MANEA: variants seen among roughly 807,000 people sequenced by gnomAD.
The protein encoded by MANEA is glycoprotein endo-alpha-1,2-mannosidase.
A neutral mutation model predicts 36.8 loss-of-function variants in MANEA; 25 were observed. The observed-to-expected ratio is 0.68, with a 90% CI of 0.50 to 0.95. The LOEUF (loss-of-function observed/expected upper bound fraction) is 0.95. MANEA is among the 40% of genes least tolerant of loss of function. The probability of loss-of-function intolerance (pLI) is 0.00; values close to 1 mark genes in which losing one functional copy is unlikely to be tolerated. For synonymous variants in MANEA, 198 were observed against 188.5 expected (o/e 1.05, Z -0.41); for missense variants, 565 against 558.8 (o/e 1.01, Z -0.11).
intron 2 of MANEA, among the ~76,000 whole-genome samples, chr6:95,594,149 A>G (rs998046951): frequency 1.3e-5 from 2 of 152,046 alleles, no homozygotes; most frequent in African/African-American, 4.8e-5. Context: ...GAAAAATGTG[A>G]GGGAAAAAAC....
intron 2 of MANEA, among the ~76,000 whole-genome samples, chr6:95,595,192 G>A (rs924664529): frequency 7.9e-5 from 12 of 151,612 alleles, no homozygotes; most frequent in Admixed American, 3.3e-4. Context: ...TAATTTTTTC[G>A]TAGGTCCCAT....
chr6:95,581,247 GA>G (rs1432743445), intron 1 of MANEA, among the ~76,000 whole-genome samples: 2 of 152,152 alleles, frequency 1.3e-5, no homozygotes, highest in East Asian at 3.9e-4. Context: ...TTGAGACATG[GA>G]GGTTGAGCCA....
chr6:95,591,177 C>G (rs1366717875), intron 2 of MANEA, among the ~76,000 whole-genome samples: 1 of 152,118 alleles, frequency 6.6e-6, no homozygotes, highest in Non-Finnish European at 1.5e-5. Flanking sequence ...TACTGTTCCC[C>G]ATCCATATTT....
At chr6:95,579,452 A>G (rs920893874) in intron 1 of MANEA, among the ~76,000 whole-genome samples, 15 of 152,302 alleles carry the variant, frequency 9.8e-5, no homozygotes, top group African/African-American at 2.9e-4. Context: ...AGTGTTTACA[A>G]TAAAACTGAC....
intron 3 of MANEA, among the ~76,000 whole-genome samples, chr6:95,600,316 G>A (rs1000318228): frequency 2.0e-5 from 3 of 152,186 alleles, no homozygotes; most frequent in Non-Finnish European, 4.4e-5. Flanking sequence ...GAGGAACTAT[G>A]TATAGACAAA....
chr6:95,578,157 G>A (rs976076853), intron 1 of MANEA, among the ~76,000 whole-genome samples: 11 of 152,202 alleles, frequency 7.2e-5, no homozygotes, highest in Admixed American at 2.0e-4. Context: ...ACCGCCCGAT[G>A]GCGAGGCCGC....
chr6:95,604,584 C>A (rs1343145822), intron 3 of MANEA, among the ~76,000 whole-genome samples: 1 of 151,886 alleles, frequency 6.6e-6, no homozygotes, highest in Non-Finnish European at 1.5e-5. Flanking sequence ...GATTACCTCA[C>A]TAAGAAAACA....
chr6:95,602,499 AATTT>A (rs1011734971), intron 3 of MANEA, among the ~76,000 whole-genome samples: 7 of 152,162 alleles, frequency 4.6e-5, no homozygotes, highest in African/African-American at 1.7e-4. Flanking sequence ...ATTTTATTAA[AATTT>A]ATTTATTAAA....
intron 4 of MANEA, among the ~76,000 whole-genome samples, chr6:95,605,508 A>G (rs1448065777): frequency 6.6e-6 from 1 of 152,160 alleles, no homozygotes; most frequent in Non-Finnish European, 1.5e-5. Flanking sequence ...ATTAGTCATC[A>G]TTTGTAAACC....
In MANEA at chr6:95,606,548, A is replaced by T; in HGVS notation, c.*143A>T. 2 of 417,412 alleles carry T rather than the reference A, an allele frequency of 4.8e-6. No individual in the cohort carries two copies. Among genetic ancestry groups the T allele is most frequent in the Non-Finnish European group, 8.0e-6 (2 of 248,498 alleles). The allele number at this position is 417,412 out of a possible 1,614,324, so 25.9% of individuals were successfully genotyped here. On this transcript the variant is annotated 3_prime_UTR_variant, in exon 5 of 5. Coordinates refer to ENST00000358812, the MANE Select transcript of MANEA (RefSeq NM_024641.4). Reference sequence around the variant, plus strand: ...ATATTTTTTTAAATTCTTTACAGATAATATTATACTTGTTACCCTTCACAA... The same window carrying T: ...ATATTTTTTTAAATTCTTTACAGATTATATTATACTTGTTACCCTTCACAA...
intron 1 of MANEA, among the ~76,000 whole-genome samples, chr6:95,578,107 C>G (rs1189017190): frequency 6.6e-6 from 1 of 152,110 alleles, no homozygotes; most frequent in East Asian, 1.9e-4. Context: ...GCTCTGGGTG[C>G]AACGGAAAGG....
intron 2 of MANEA, among the ~76,000 whole-genome samples, chr6:95,589,582 T>C (rs542309120): frequency 1.3e-5 from 2 of 152,300 alleles, no homozygotes; most frequent in South Asian, 4.1e-4. Flanking sequence ...GTATCAGATA[T>C]ATTACAATGG....
intron 3 of MANEA, among the ~76,000 whole-genome samples, chr6:95,602,455 G>T (rs1030734942): frequency 2.0e-5 from 3 of 152,018 alleles, no homozygotes; most frequent in Admixed American, 2.0e-4. Flanking sequence ...GTTGGAGAAG[G>T]AGAAAGTTAT....
At chr6:95,605,610 C>G (rs1237138275) in intron 4 of MANEA, 138 bp from the exon 5 acceptor site, 1 of 619,808 alleles carries the variant, frequency 1.6e-6, no homozygotes, top group African/African-American at 1.8e-5. Flanking sequence ...AATTATTACA[C>G]TTACACAACT....
In MANEA at chr6:95,605,961, T is replaced by G; in HGVS notation, c.945T>G (p.Ser315Arg). The change falls in exon 5 of 5, where the codon AGT (serine) becomes AGG (arginine). Residue 315 changes from serine (S) to arginine (R), a missense_variant. Transcript: ENST00000358812. ...AACATAAGTATGATATTCTTCAAAG[T>G]GGTTTTGATGGAATTTACACATATT... ...EEKHKYDILQ[S>R]GFDGIYTYFA... 1 of 1,613,854 alleles carries G rather than the reference T, an allele frequency of 6.2e-7. No individual in the cohort carries two copies. Among genetic ancestry groups the G allele is most frequent in the Non-Finnish European group, 8.5e-7 (1 of 1,179,870 alleles).
chr6:95,578,507 T>G (rs2127936083), intron 1 of MANEA, among the ~76,000 whole-genome samples: 1 of 152,246 alleles, frequency 6.6e-6, no homozygotes, highest in East Asian at 1.9e-4. Context: ...AAGTAAAACC[T>G]AGATATTGGT....
chr6:95,597,781 A>C (rs1047196321), intron 3 of MANEA, among the ~76,000 whole-genome samples: 1 of 152,132 alleles, frequency 6.6e-6, no homozygotes, highest in Non-Finnish European at 1.5e-5. Flanking sequence ...AGAAAGAACT[A>C]TGATAGATGA....
chr6:95,591,890 G>A (rs1319407419), intron 2 of MANEA, among the ~76,000 whole-genome samples: 1 of 152,100 alleles, frequency 6.6e-6, no homozygotes, highest in Non-Finnish European at 1.5e-5. Context: ...TTTTAGTAGA[G>A]ACAAGGTTTC....
At chr6:95,587,932 CTTATG>C (rs1375573868) in intron 2 of MANEA, among the ~76,000 whole-genome samples, 2 of 151,662 alleles carry the variant, frequency 1.3e-5, no homozygotes, top group Non-Finnish European at 2.9e-5. Context: ...TTTCTTCTGG[CTTATG>C]TTATTCATTT....
Sources: gnomAD v4.1 joint callset for allele counts (sites outside exome capture counted in the v4.1 genomes callset) on GRCh38, gnomAD v4.1.1 for gene constraint, MANE v1.5 for transcripts, NCBI Gene and HGNC (gene_info 2026-07-23, HGNC 2026-07-21) for gene names.